Variants in DNAH12 observed in about 807,000 individuals in gnomAD.
DNAH12 encodes dynein axonemal heavy chain 12, also known as axonemal beta dynein heavy chain 12.
In DNAH12, 285 loss-of-function variants were observed where a neutral mutation model predicts 371.5. The observed-to-expected ratio is 0.77, with a 90% CI of 0.70 to 0.85. The LOEUF is 0.85. Among genes scored for constraint, DNAH12 ranks in the 40% least tolerant of loss-of-function variants. The pLI is 0.00. For missense variants in DNAH12, 3,611 were observed against 3,689.4 expected (o/e 0.98, Z 0.55); for synonymous variants, 1,200 against 1,213.0 (o/e 0.99, Z 0.22).
intron 55 of DNAH12, among the ~76,000 whole-genome samples, chr3:57,369,229 ATAT>A (rs1252110959): frequency 1.2e-3 from 159 of 131,518 alleles, no homozygotes; most frequent in Middle Eastern, 3.7e-3. Flanking sequence ...TAAAAAAAAA[ATAT>A]ATATATATAT....
At chr3:57,550,328 A>G in the DNAH12 span, among the ~76,000 whole-genome samples, 1 of 152,098 alleles carries the variant, frequency 6.6e-6, no homozygotes, top group East Asian at 1.9e-4. Context: ...AAAACAAAAC[A>G]AAACAAAACA....
At chr3:57,311,663 C>G (rs542837843) in intron 66 of DNAH12, among the ~76,000 whole-genome samples, 1 of 152,274 alleles carries the variant, frequency 6.6e-6, no homozygotes, top group South Asian at 2.1e-4. Context: ...TGGGCTGCTG[C>G]TAGACAATAC....
intron 11 of DNAH12, among the ~76,000 whole-genome samples, chr3:57,491,579 A>G (rs1272677230): frequency 6.6e-6 from 1 of 152,128 alleles, no homozygotes; most frequent in East Asian, 1.9e-4. Context: ...TTTTTTAACT[A>G]TACTCCTAAC....
At chr3:57,496,805 C>T (rs888821885) in intron 11 of DNAH12, among the ~76,000 whole-genome samples, 10 of 151,906 alleles carry the variant, frequency 6.6e-5, no homozygotes, top group African/African-American at 2.4e-4. Flanking sequence ...CCTGTCTCTA[C>T]TAAAAATACA....
chr3:57,479,871 A>G (rs1239132524), intron 13 of DNAH12, among the ~76,000 whole-genome samples: 2 of 152,220 alleles, frequency 1.3e-5, no homozygotes, highest in Non-Finnish European at 2.9e-5. Context: ...TTTGAAACCA[A>G]CGAGAACAAA....
At chr3:57,423,625 G>C (rs1232079078) in intron 35 of DNAH12, among the ~76,000 whole-genome samples, 1 of 152,068 alleles carries the variant, frequency 6.6e-6, no homozygotes, top group Non-Finnish European at 1.5e-5. Flanking sequence ...TTAGGAATAA[G>C]GTGGTGCATG....
chr3:57,399,239 C>T (rs1010692080), intron 43 of DNAH12, among the ~76,000 whole-genome samples: 69,208 of 151,452 alleles, frequency 0.46, 16,812 homozygotes, highest in East Asian at 0.62. Context: ...ACATAAAAGG[C>T]GGCAATAAAA....
intron 58 of DNAH12, among the ~76,000 whole-genome samples, chr3:57,359,048 T>G (rs1286864645): frequency 6.6e-6 from 1 of 152,130 alleles, no homozygotes; most frequent in African/African-American, 2.4e-5. Flanking sequence ...CCTCCCAAAG[T>G]GCTGGGATTA....
At chr3:57,350,461 C>T (rs2062645561) in intron 60 of DNAH12, among the ~76,000 whole-genome samples, 1 of 152,092 alleles carries the variant, frequency 6.6e-6, no homozygotes, top group South Asian at 2.1e-4. Flanking sequence ...GTCTTTTCAA[C>T]AAGTGGAGAG....
At chr3:57,322,949 A>G in intron 64 of DNAH12, 58 bp downstream of exon 64, 1 of 1,518,322 alleles carries the variant, frequency 6.6e-7, no homozygotes, top group Non-Finnish European at 8.8e-7. Flanking sequence ...AAACAAAACA[A>G]ATAAGATATA....
chr3:57,309,255 C>A lies in DNAH12; in HGVS notation c.11086-1G>T. 1 of 1,537,876 alleles carries A rather than the reference C, an allele frequency of 6.5e-7. No individual in the cohort carries two copies. The highest frequency in any genetic ancestry group is 1.2e-5 in the South Asian group (1 of 80,504). ...TTTCAATGTCGAAATCACTAGGGAG[C>A]TAAAAGAATAGATTTTGAAGATCAC... On this transcript the variant is annotated splice_acceptor_variant, in intron 68 of 73. Transcript: ENST00000495027. LOFTEE classifies it high-confidence loss of function.
rs1044241121 is a variant in DNAH12, at chr3:57,519,251, G to A, written c.279+4332C>T. On this transcript the variant is annotated intron_variant, in intron 4 of 73. Coordinates refer to ENST00000495027, the MANE Select transcript of DNAH12 (RefSeq NM_001366028.2). ...TTTTTGGGAGGAGGGGGTTTAAACT[G>A]CACTTTATTTGTTACCATAACATTC... 2.0e-5 allele frequency among the ~76,000 whole-genome samples: 3 copies of A among 152,268 alleles called. No individual in the cohort carries two copies. The South Asian group carries it at 6.2e-4, about 32-fold the overall frequency.
chr3:57,297,368 T>C (rs2061253466), intron 70 of DNAH12: 1 of 184,392 alleles, frequency 5.4e-6, no homozygotes, highest in African/African-American at 2.4e-5. Flanking sequence ...TATTTTTTTT[T>C]TTTTTGAGAT....
intron 60 of DNAH12, among the ~76,000 whole-genome samples, chr3:57,348,989 A>T (rs1026555358): frequency 6.6e-6 from 1 of 151,858 alleles, no homozygotes; most frequent in Non-Finnish European, 1.5e-5. Context: ...GGACTTAATT[A>T]AACTAAAAAC....
intron 44 of DNAH12, among the ~76,000 whole-genome samples, chr3:57,393,963 A>G (rs1165162596): frequency 6.6e-6 from 1 of 152,190 alleles, no homozygotes; most frequent in Non-Finnish European, 1.5e-5. Flanking sequence ...ATTATGATGA[A>G]GATAGGAGTT....
At chr3:57,544,372 G>C (rs1449596387), upstream of DNAH12, 2 of 152,234 alleles carry the variant, frequency 1.3e-5, no homozygotes, top group Non-Finnish European at 2.9e-5. Flanking sequence ...AAACAACGTC[G>C]TCGCCATGGA....
At chr3:57,463,622 G>A (rs554979984) in intron 17 of DNAH12, among the ~76,000 whole-genome samples, 27 of 152,082 alleles carry the variant, frequency 1.8e-4, no homozygotes, top group African/African-American at 5.3e-4. Context: ...TAAGGACTTC[G>A]TTTTAACCTT....
At chr3:57,340,229 CAAAT>C (rs1392186406) in intron 60 of DNAH12, among the ~76,000 whole-genome samples, 1 of 151,292 alleles carries the variant, frequency 6.6e-6, no homozygotes, top group African/African-American at 2.4e-5. Flanking sequence ...AGAAAGATTT[CAAAT>C]AAATAAGCTA....
Position 57,502,523 on chromosome 3 carries a change from A to G in DNAH12, c.1087-44T>C, listed in dbSNP as rs373137824. On this transcript the variant is annotated intron_variant, in intron 9 of 73. Transcript: ENST00000495027. ...ATAACAATGTATACAATAAATATCT[A>G]ACTGTATAATTAATCTATATGTAGA... 1.0e-5 allele frequency: 16 copies of G among 1,549,338 alleles called. No homozygotes were observed. The African/African-American group carries it at 1.4e-4, about 14-fold the overall frequency.
Sources: allele counts gnomAD v4.1 joint callset (sites outside exome capture counted in the v4.1 genomes callset), GRCh38; gene constraint gnomAD v4.1.1; transcripts MANE v1.5; gene names NCBI Gene and HGNC (gene_info 2026-07-23, HGNC 2026-07-21).